PAPPA2: variants seen among roughly 807,000 people sequenced by gnomAD.
The protein encoded by PAPPA2 is pappalysin 2, also known as pappalysin-2.
PAPPA2 carries 86 observed loss-of-function variants against 176.4 expected under a neutral mutation model. The observed-to-expected ratio is 0.49, with a 90% CI of 0.41 to 0.58. The LOEUF (loss-of-function observed/expected upper bound fraction) is 0.58, where lower values mean the gene tolerates loss of function less well. Among genes scored for constraint, PAPPA2 ranks in the 20% least tolerant of loss-of-function variants. PAPPA2 has a pLI of 0.00. For synonymous variants in PAPPA2, 809 were observed against 852.2 expected, an observed-to-expected ratio of 0.95 and a Z score of 0.88; for missense variants, 2,073 against 2,256.9, an observed-to-expected ratio of 0.92 and a Z score of 1.65.
At chr1:176,750,815 G>A (rs990260865) in intron 14 of PAPPA2, among the ~76,000 whole-genome samples, 3 of 152,112 alleles carry the variant, frequency 2.0e-5, no homozygotes, top group African/African-American at 7.2e-5. Context: ...TAAAATTTGA[G>A]TCAAGGAAAA....
chr1:176,683,138 G>GGAACT, intron 4 of PAPPA2, among the ~76,000 whole-genome samples: 1 of 152,030 alleles, frequency 6.6e-6, no homozygotes, highest in African/African-American at 2.4e-5. Context: ...AAAGCCAGTA[G>GGAACT]GAACTTAGAA....
chr1:176,708,707 A>T (rs1660998463), intron 10 of PAPPA2, among the ~76,000 whole-genome samples: 1 of 152,184 alleles, frequency 6.6e-6, no homozygotes, highest in South Asian at 2.1e-4. Context: ...AAGTAGAGAT[A>T]GATTTACCAC....
chr1:176,814,843 G>A (rs1221246232), intron 21 of PAPPA2, among the ~76,000 whole-genome samples: 1 of 152,204 alleles, frequency 6.6e-6, no homozygotes, highest in Non-Finnish European at 1.5e-5. Flanking sequence ...GGTGAGAGAA[G>A]GCATCCTTGT....
intron 3 of PAPPA2, among the ~76,000 whole-genome samples, chr1:176,608,017 T>C (rs1654709885): frequency 6.6e-6 from 1 of 152,206 alleles, no homozygotes. Flanking sequence ...TGGGGATATC[T>C]GAACAAGATT....
intron 12 of PAPPA2, among the ~76,000 whole-genome samples, chr1:176,732,705 C>T (rs920515927): frequency 6.6e-5 from 10 of 152,142 alleles, no homozygotes; most frequent in African/African-American, 2.2e-4. Flanking sequence ...TCACAAGATC[C>T]TCAGGTGATC....
chr1:176,500,897 G>A (rs1446166926), intron 1 of PAPPA2, among the ~76,000 whole-genome samples: 2 of 151,934 alleles, frequency 1.3e-5, no homozygotes, highest in African/African-American at 4.8e-5. Flanking sequence ...GCTTTACTTT[G>A]CTAATAGCCT....
At chr1:176,746,302 G>A (rs980446095) in intron 14 of PAPPA2, among the ~76,000 whole-genome samples, 7 of 152,234 alleles carry the variant, frequency 4.6e-5, no homozygotes, top group Non-Finnish European at 8.8e-5. Context: ...TTGATAACCA[G>A]CAGAGAAAGT....
intron 1 of PAPPA2, among the ~76,000 whole-genome samples, chr1:176,475,294 A>ATG (rs1272887124): frequency 6.6e-6 from 1 of 152,172 alleles, no homozygotes; most frequent in East Asian, 1.9e-4. Context: ...ATGATTACAT[A>ATG]TGTGTGTGTA....
intron 21 of PAPPA2, among the ~76,000 whole-genome samples, chr1:176,832,288 T>G (rs1167298481): frequency 6.6e-6 from 1 of 152,178 alleles, no homozygotes; most frequent in Non-Finnish European, 1.5e-5. Context: ...GTTAAGAAAT[T>G]TTCTCAGATT....
chr1:176,523,328 CT>C lies in PAPPA2; in HGVS notation c.-916-32077del, dbSNP rs1432081605. Among the ~76,000 whole-genome samples, 14 of 152,306 alleles carry C rather than the reference CT, an allele frequency of 9.2e-5. No individual in the cohort carries two copies. In the East Asian group the frequency reaches 2.7e-3, roughly 29 times the overall value. On this transcript the variant is annotated intron_variant, in intron 1 of 22. Coordinates refer to ENST00000367662, the MANE Select transcript of PAPPA2 (RefSeq NM_020318.3). ...AATCTGGCATGGAAAGAACTATTCC[CT>C]TGGATGGTAGCTAAATTTCCCCTAA...
intron 1 of PAPPA2, among the ~76,000 whole-genome samples, chr1:176,526,995 T>TG (rs1312616103): frequency 2.6e-5 from 4 of 152,238 alleles, no homozygotes; most frequent in Admixed American, 2.6e-4. Context: ...TTTGTAGAGA[T>TG]GGGGTCTCAT....
intron 14 of PAPPA2, among the ~76,000 whole-genome samples, chr1:176,746,957 C>G (rs185967746): frequency 2.0e-5 from 3 of 152,174 alleles, no homozygotes; most frequent in Non-Finnish European, 4.4e-5. Context: ...GTTCAAAAAC[C>G]ATTTAAGTGA....
At chr1:176,540,900 G>A (rs1031940567) in intron 1 of PAPPA2, among the ~76,000 whole-genome samples, 1 of 152,126 alleles carries the variant, frequency 6.6e-6, no homozygotes, top group Non-Finnish European at 1.5e-5. Flanking sequence ...ACCTCAAGAA[G>A]TTCTCAAATC....
intron 3 of PAPPA2, among the ~76,000 whole-genome samples, chr1:176,642,755 G>A (rs1428557249): frequency 6.6e-6 from 1 of 151,880 alleles, no homozygotes; most frequent in Non-Finnish European, 1.5e-5. Context: ...GAATATGGAG[G>A]AGAAAGGATC....
chr1:176,672,191 A>G (rs1659048133), intron 4 of PAPPA2, among the ~76,000 whole-genome samples: 1 of 152,112 alleles, frequency 6.6e-6, no homozygotes, highest in African/African-American at 2.4e-5. Context: ...AAACATATGG[A>G]TAAAGAGTAA....
intron 3 of PAPPA2, 64 bp from the exon 4 acceptor site, chr1:176,670,903 CTGG>C: frequency 6.3e-7 from 1 of 1,590,136 alleles, no homozygotes; most frequent in South Asian, 1.1e-5. Context: ...CTGATTAGGT[CTGG>C]CTCTGCTATT....
chr1:176,535,410 C>A (rs1650018652), intron 1 of PAPPA2, among the ~76,000 whole-genome samples: 1 of 152,236 alleles, frequency 6.6e-6, no homozygotes, highest in South Asian at 2.1e-4. Context: ...TTCTACCACA[C>A]TTTCTCTACT....
At chr1:176,634,833 G>C (rs150261651) in intron 3 of PAPPA2, among the ~76,000 whole-genome samples, 13 of 142,568 alleles carry the variant, frequency 9.1e-5, no homozygotes, top group East Asian at 1.9e-4. Context: ...TAGATAGATA[G>C]ATAGATAGAT....
chr1:176,507,915 T>A (rs796703566), intron 1 of PAPPA2, among the ~76,000 whole-genome samples: 27 of 151,758 alleles, frequency 1.8e-4, no homozygotes, highest in African/African-American at 5.6e-4. Context: ...AGTTGAAATT[T>A]AAAAAAAATT....
Sources: gnomAD v4.1 joint callset for allele counts (sites outside exome capture counted in the v4.1 genomes callset) on GRCh38, gnomAD v4.1.1 for gene constraint, MANE v1.5 for transcripts, NCBI Gene and HGNC (gene_info 2026-07-23, HGNC 2026-07-21) for gene names.